EDEM3: variants seen among roughly 807,000 people sequenced by gnomAD.
The protein encoded by EDEM3 is ER degradation enhancing alpha-mannosidase like protein 3.
In EDEM3, 60 loss-of-function variants were observed where a neutral mutation model predicts 110.2. The observed-to-expected ratio is 0.54, with a 90% CI of 0.44 to 0.67. The LOEUF (loss-of-function observed/expected upper bound fraction) is 0.67. Among genes scored for constraint, EDEM3 ranks in the 30% least tolerant of loss-of-function variants. The pLI, the probability that EDEM3 is intolerant of heterozygous loss-of-function variation, is 0.00. For missense variants in EDEM3, 996 were observed against 1,121.0 expected (o/e 0.89, Z 1.59); for synonymous variants, 352 against 382.9 (o/e 0.92, Z 0.94).
At chr1:184,715,969 T>C (rs550025335) in intron 13 of EDEM3, among the ~76,000 whole-genome samples, 119 of 152,282 alleles carry the variant, frequency 7.8e-4, no homozygotes, top group Non-Finnish European at 1.3e-3. Flanking sequence ...GTGTTTCTCA[T>C]GTCTTCAGTC....
chr1:184,725,535 A>G (rs1017948067), intron 7 of EDEM3, among the ~76,000 whole-genome samples: 2 of 152,070 alleles, frequency 1.3e-5, no homozygotes, highest in African/African-American at 4.8e-5. Flanking sequence ...AAAGGCATAC[A>G]TACATACAAA....
intron 2 of EDEM3, among the ~76,000 whole-genome samples, chr1:184,743,724 T>C (rs535752046): frequency 6.6e-6 from 1 of 152,238 alleles, no homozygotes; most frequent in South Asian, 2.1e-4. Flanking sequence ...AATGTGATAT[T>C]TGTATAAGGG....
rs995650153 is a variant in EDEM3 at position 184,690,602 on chromosome 1, T to A, written c.*3461A>T. 3.9e-5 allele frequency: 6 copies of A among 152,618 alleles called. No homozygotes were observed. Among genetic ancestry groups the A allele is most frequent in the Non-Finnish European group, 7.4e-5 (5 of 68,012 alleles). The allele number at this position is 152,618 out of a possible 1,614,324, so 9.5% of individuals were successfully genotyped here. A position where few individuals can be genotyped will look rare whatever the true frequency, so the allele number is the denominator to read the frequency against. ...TATACATTTTGCCCAGACTTTTACA[T>A]CACAGTACATAGTTTCCCTTAGAAA... On this transcript the variant is annotated 3_prime_UTR_variant, in exon 20 of 20. Transcript: ENST00000318130.
At chr1:184,751,478 G>A (rs1395984047) in intron 1 of EDEM3, among the ~76,000 whole-genome samples, 1 of 152,118 alleles carries the variant, frequency 6.6e-6, no homozygotes, top group African/African-American at 2.4e-5. Context: ...TTGCATACAA[G>A]GAGAATACAC....
chr1:184,733,056 GT>G, intron 5 of EDEM3, 66 bp from the exon 6 acceptor site: 1 of 1,496,136 alleles, frequency 6.7e-7, no homozygotes, highest in Non-Finnish European at 9.0e-7. Flanking sequence ...ATCTAAAAAG[GT>G]GTGGGTACTT....
In EDEM3 at chr1:184,719,387, C is replaced by T. The variant is rs911475495; in HGVS notation, c.1077+56G>A. On this transcript the variant is annotated intron_variant, in intron 10 of 19. Coordinates refer to ENST00000318130, the MANE Select transcript of EDEM3 (RefSeq NM_025191.4). ...AGTTCAGTTTTAAAGATCAAAAATG[C>T]GCCTAATTAACATCATCATCTTACA... is the stretch of plus-strand genomic sequence containing the variant. 54 of 1,574,622 alleles carry T rather than the reference C, an allele frequency of 3.4e-5. No homozygotes were observed. The East Asian group carries it at 5.2e-4, about 15-fold the overall frequency.
intron 8 of EDEM3, among the ~76,000 whole-genome samples, chr1:184,722,719 T>C: frequency 6.6e-6 from 1 of 151,850 alleles, no homozygotes. Flanking sequence ...AATAATTTTA[T>C]AATTTTTATT....
chr1:184,726,776 A>C (rs1571391288), intron 6 of EDEM3, among the ~76,000 whole-genome samples: 2 of 152,352 alleles, frequency 1.3e-5, no homozygotes, highest in South Asian at 4.1e-4. Context: ...CAGCCTTAGA[A>C]GAAATTAGGG....
chr1:184,704,487 C>T (rs1220328734), intron 18 of EDEM3, among the ~76,000 whole-genome samples: 2 of 151,012 alleles, frequency 1.3e-5, no homozygotes, highest in Non-Finnish European at 3.0e-5. Flanking sequence ...CCCTTCTCTA[C>T]TAAAAATACA....
Position 184,694,143 on chromosome 1 carries a change from C to T in EDEM3, c.2719G>A (p.Val907Ile), listed in dbSNP as rs1649206040. ...SNPNVSWGKK[V>I]QPIDSILADW... Reference sequence around the variant, plus strand: ...GCTAATATGGAGTCTATAGGCTGGACCTTTTTACCCCAGCTAACATTAGGA... The same window carrying T: ...GCTAATATGGAGTCTATAGGCTGGATCTTTTTACCCCAGCTAACATTAGGA... The change falls in exon 20 of 20, where the codon GTC becomes ATC. Residue 907 changes from valine (V) to isoleucine (I), a missense_variant. Transcript: ENST00000318130. The T allele has an allele frequency of 1.2e-6, 2 of 1,613,344 alleles. No individual in the cohort carries two copies. Among genetic ancestry groups the T allele is most frequent in the Middle Eastern group, 1.7e-4 (1 of 6,056 alleles).
chr1:184,717,108 C>A, intron 12 of EDEM3, 96 bp from the exon 13 acceptor site: 1 of 1,004,566 alleles, frequency 1.0e-6, no homozygotes, highest in South Asian at 2.1e-5. Flanking sequence ...CTACTAGGTG[C>A]CAGGCACTGT....
intron 2 of EDEM3, among the ~76,000 whole-genome samples, chr1:184,749,101 T>C (rs1652606395): frequency 6.6e-6 from 1 of 152,132 alleles, no homozygotes; most frequent in African/African-American, 2.4e-5. Flanking sequence ...AAAAGCAAAA[T>C]ATATTCAGTG....
Position 184,734,575 on chromosome 1 carries a change from G to A in EDEM3, c.414C>T (p.Asn138=), listed in dbSNP as rs148083344. The change falls in exon 5 of 20, where the codon AAC becomes AAT. Residue 138 remains asparagine, a synonymous_variant. Transcript: ENST00000318130. ...TTTCAAAGACTGATACGACTACATCGTTATCTAAATTAACATCTCTTAAAA... is the reference window on the plus strand; with the variant it reads ...TTTCAAAGACTGATACGACTACATCATTATCTAAATTAACATCTCTTAAAA... ...RKVLRDVNLD[N]DVVVSVFETN... The A allele has an allele frequency of 2.1e-4, 330 of 1,554,578 alleles. No individual in the cohort carries two copies. Among genetic ancestry groups the A allele is most frequent in the East Asian group, 4.5e-4 (19 of 42,392 alleles).
At chr1:184,734,889 A>G (rs1319355653) in intron 4 of EDEM3, among the ~76,000 whole-genome samples, 1 of 152,242 alleles carries the variant, frequency 6.6e-6, no homozygotes, top group East Asian at 1.9e-4. Context: ...TGAAGCTACC[A>G]TCATCAGACC....
chr1:184,737,575 C>A (rs374185177), intron 3 of EDEM3, 36 bp downstream of exon 3: 1 of 1,597,516 alleles, frequency 6.3e-7, no homozygotes, highest in Non-Finnish European at 8.6e-7. Flanking sequence ...CTTGGGAACT[C>A]TGAGATGCCA....
chr1:184,745,451 A>C (rs888221439), intron 2 of EDEM3, among the ~76,000 whole-genome samples: 4 of 152,150 alleles, frequency 2.6e-5, no homozygotes, highest in African/African-American at 9.7e-5. Flanking sequence ...ACAGAGTTTC[A>C]GATTGGGAAG....
Position 184,703,014 on chromosome 1 carries a change from A to C in EDEM3, c.2204-18T>G. 1 of 1,569,210 alleles carries C rather than the reference A, an allele frequency of 6.4e-7. No homozygotes were observed. The highest frequency in any genetic ancestry group is 8.6e-7 in the Non-Finnish European group (1 of 1,158,454). The stretch of plus-strand genomic sequence containing the variant: ...ATTGTCATCTAGCCAGAAAATAAAT[A>C]CAGCAAACATCAAAATATCCAGCCA... On this transcript the variant is annotated intron_variant, in intron 18 of 19. Coordinates refer to ENST00000318130, the MANE Select transcript of EDEM3 (RefSeq NM_025191.4).
chr1:184,733,460 C>A (rs1257549878), intron 5 of EDEM3, among the ~76,000 whole-genome samples: 1 of 152,156 alleles, frequency 6.6e-6, no homozygotes, highest in Admixed American at 6.5e-5. Context: ...AGAGGAGTTA[C>A]AATAACATTT....
intron 1 of EDEM3, among the ~76,000 whole-genome samples, chr1:184,749,812 T>C (rs1652652518): frequency 1.3e-5 from 2 of 152,164 alleles, no homozygotes; most frequent in Non-Finnish European, 2.9e-5. Context: ...ACTTTAATGA[T>C]TACTAGTAAT....
Sources: gnomAD v4.1 joint callset for allele counts (sites outside exome capture counted in the v4.1 genomes callset) on GRCh38, gnomAD v4.1.1 for gene constraint, MANE v1.5 for transcripts, NCBI Gene and HGNC (gene_info 2026-07-23, HGNC 2026-07-21) for gene names.